ASXL2: variants seen among roughly 807,000 people sequenced by gnomAD.
ASXL2 encodes the protein ASXL transcriptional regulator 2.
A neutral mutation model predicts 122.0 loss-of-function variants in ASXL2; 23 were observed. That is an observed-to-expected ratio of 0.19 (90% CI 0.14 to 0.27). The LOEUF (loss-of-function observed/expected upper bound fraction) is 0.27. Ranked by LOEUF, ASXL2 falls within the 10% of genes least tolerant of loss-of-function variation. The probability of loss-of-function intolerance (pLI) is 1.00; values close to 1 mark genes in which losing one functional copy is unlikely to be tolerated. For synonymous variants in ASXL2, 650 were observed against 637.0 expected (o/e 1.02, Z -0.31); for missense variants, 1,518 against 1,713.8 (o/e 0.89, Z 2.02).
chr2:25,877,454 G>A (rs943685527), intron 1 of ASXL2, among the ~76,000 whole-genome samples: 3 of 151,866 alleles, frequency 2.0e-5, no homozygotes, highest in Non-Finnish European at 4.4e-5. Flanking sequence ...AACTTCATTA[G>A]GGCACCATCC....
chr2:25,777,176 C>A (rs1451168511), intron 5 of ASXL2, among the ~76,000 whole-genome samples: 1 of 152,160 alleles, frequency 6.6e-6, no homozygotes, highest in Non-Finnish European at 1.5e-5. Flanking sequence ...GCAGCCTTGA[C>A]CTCCGAGGCT....
Position 25,759,666 on chromosome 2 carries a change from C to T in ASXL2, c.776-21G>A, listed in dbSNP as rs376603825. 2.5e-4 allele frequency: 399 copies of T among 1,596,594 alleles called. 1 individual carries two copies. Among genetic ancestry groups the T allele is most frequent in the Non-Finnish European group, 3.0e-4 (355 of 1,167,444 alleles). On this transcript the variant is annotated intron_variant, in intron 8 of 12. Transcript: ENST00000435504. ...TTGTCCTACAAAAACAGAGAAGAAT[C>T]GTTTGGGCCTCCCTCACAAGTCCTG...
chr2:25,769,432 A>G (rs1028765471), intron 6 of ASXL2, among the ~76,000 whole-genome samples: 8 of 152,174 alleles, frequency 5.3e-5, no homozygotes, highest in African/African-American at 1.9e-4. Context: ...CCAATTATCA[A>G]ATTTCAGCAA....
At chr2:25,870,199 G>A (rs1253003544) in intron 1 of ASXL2, among the ~76,000 whole-genome samples, 1 of 152,112 alleles carries the variant, frequency 6.6e-6, no homozygotes, top group Non-Finnish European at 1.5e-5. Flanking sequence ...AACATAGTCA[G>A]CCCCCATCTG....
At chr2:25,758,758 A>T (rs974780482) in intron 9 of ASXL2, among the ~76,000 whole-genome samples, 12 of 151,736 alleles carry the variant, frequency 7.9e-5, no homozygotes, top group Admixed American at 7.2e-4. Context: ...TTCTCTTAGC[A>T]AAATGTAACA....
At chr2:25,760,277 A>G (rs1343414650) in intron 8 of ASXL2, among the ~76,000 whole-genome samples, 1 of 152,092 alleles carries the variant, frequency 6.6e-6, no homozygotes, top group Non-Finnish European at 1.5e-5. Flanking sequence ...GAAAACAGCA[A>G]TTACACATCA....
intron 4 of ASXL2, among the ~76,000 whole-genome samples, chr2:25,802,876 A>G (rs1265513332): frequency 6.6e-6 from 1 of 152,156 alleles, no homozygotes; most frequent in Non-Finnish European, 1.5e-5. Context: ...CATGCCTGCA[A>G]TCCCAGCACT....
At chr2:25,877,314 T>G (rs1206915281) in intron 1 of ASXL2, among the ~76,000 whole-genome samples, 3 of 152,206 alleles carry the variant, frequency 2.0e-5, no homozygotes, top group Admixed American at 2.0e-4. Context: ...GCATACAACA[T>G]GCTTTTAATT....
At chr2:25,839,018 A>G (rs1461157837) in intron 2 of ASXL2, among the ~76,000 whole-genome samples, 1 of 152,228 alleles carries the variant, frequency 6.6e-6, no homozygotes, top group Non-Finnish European at 1.5e-5. Context: ...TTCCTTAAAC[A>G]AACCCAATAA....
rs760836776 is a variant in ASXL2 at position 25,750,092 on chromosome 2, G to C, written c.1464C>G (p.Leu488=). The C allele has an allele frequency of 1.5e-5, 25 of 1,613,814 alleles. No individual in the cohort carries two copies. The highest frequency in any genetic ancestry group is 2.0e-5 in the Non-Finnish European group (24 of 1,179,888). ...CAGAGGTGACTGGCTTCTGCTCCAA[G>C]AGATCCTCATCCTTTGGGCACTTGA... ...LPIKCPKDED[L]LEQKPVTSAE... is the part of the protein sequence containing the mutation. The change falls in exon 12 of 13, where the codon CTC becomes CTG. Residue 488 remains leucine (L), a synonymous_variant. Transcript: ENST00000435504.
chr2:25,753,077 C>T lies in ASXL2; in HGVS notation c.1142+457G>A, dbSNP rs2088072665. 2.0e-5 allele frequency among the ~76,000 whole-genome samples: 3 copies of T among 151,534 alleles called. No homozygotes were observed. The South Asian group carries it at 6.2e-4, about 32-fold the overall frequency. ...CTGCCTCACAGGTTCAAGCGATTCT[C>T]CTGCCTCAGCCTCCCAAGTAGCTGG... On this transcript the variant is annotated intron_variant, in intron 11 of 12. Transcript: ENST00000435504.
intron 3 of ASXL2, among the ~76,000 whole-genome samples, chr2:25,821,138 C>G (rs1229256498): frequency 6.6e-6 from 1 of 152,072 alleles, no homozygotes; most frequent in African/African-American, 2.4e-5. Flanking sequence ...AAGATCGCGC[C>G]ACTGCACTCC....
intron 8 of ASXL2, among the ~76,000 whole-genome samples, chr2:25,761,682 A>AG (rs1485850328): frequency 6.6e-6 from 1 of 151,820 alleles, no homozygotes; most frequent in Non-Finnish European, 1.5e-5. Flanking sequence ...CAAAAAAAAA[A>AG]AAAAAAAAAA....
chr2:25,750,347 T>C lies in ASXL2; in HGVS notation c.1209A>G (p.Lys403=). Residue 403 remains lysine (K), a synonymous_variant, in exon 12 of 13, where the codon AAA becomes AAG. Coordinates refer to ENST00000435504, the MANE Select transcript of ASXL2 (RefSeq NM_018263.6). ...TASPSDPKVK[K]TPAEQPKSMP... ...TGGATTTTGGTTGTTCAGCTGGGGTTTTCTTTACTTTGGGATCACTGGGAG... is the reference window on the plus strand; with the variant it reads ...TGGATTTTGGTTGTTCAGCTGGGGTCTTCTTTACTTTGGGATCACTGGGAG... The C allele has an allele frequency of 6.2e-7, 1 of 1,613,752 alleles. No individual in the cohort carries two copies. Among genetic ancestry groups the C allele is most frequent in the Non-Finnish European group, 8.5e-7 (1 of 1,179,854 alleles).
At chr2:25,831,683 G>T (rs1474538996) in intron 3 of ASXL2, among the ~76,000 whole-genome samples, 1 of 151,882 alleles carries the variant, frequency 6.6e-6, no homozygotes, top group Admixed American at 6.6e-5. Context: ...GATGTAACAG[G>T]ATTTAAAAAG....
chr2:25,821,316 C>T (rs1182373834), intron 3 of ASXL2, among the ~76,000 whole-genome samples: 2 of 151,576 alleles, frequency 1.3e-5, no homozygotes, highest in Non-Finnish European at 2.9e-5. Context: ...ATGACTGTAC[C>T]ACTGCACTCC....
intron 8 of ASXL2, among the ~76,000 whole-genome samples, chr2:25,761,021 T>C (rs1249302668): frequency 1.3e-5 from 2 of 152,214 alleles, no homozygotes; most frequent in Non-Finnish European, 1.5e-5. Context: ...CTACACTATA[T>C]AGCCAAACAA....
Position 25,742,685 on chromosome 2 carries a change from C to G in ASXL2, c.3652G>C (p.Glu1218Gln). 6.2e-7 allele frequency: 1 copy of G among 1,613,974 alleles called. No individual in the cohort carries two copies. The highest frequency in any genetic ancestry group is 8.5e-7 in the Non-Finnish European group (1 of 1,179,872). ...AAGCAATCACTGGTAGATAGAGTTTCCCTGCTGTGAGGTCCTGAACTTGTG... is the reference window on the plus strand; with the variant it reads ...AAGCAATCACTGGTAGATAGAGTTTGCCTGCTGTGAGGTCCTGAACTTGTG... ...GDTSSGPHSR[E>Q]TLSTSDCLAS... Residue 1218 changes from glutamate to glutamine, a missense_variant, in exon 13 of 13, where the codon GAA becomes CAA. By Grantham distance (29) the Glu-to-Gln change is conservative. Transcript: ENST00000435504.
At chr2:25,821,576 C>T (rs1054878909) in intron 3 of ASXL2, among the ~76,000 whole-genome samples, 1 of 152,154 alleles carries the variant, frequency 6.6e-6, no homozygotes, top group African/African-American at 2.4e-5. Flanking sequence ...CCAGCCTGAC[C>T]AACATGGTGA....
Sources: gnomAD v4.1 joint callset for allele counts (sites outside exome capture counted in the v4.1 genomes callset) on GRCh38, gnomAD v4.1.1 for gene constraint, MANE v1.5 for transcripts, NCBI Gene and HGNC (gene_info 2026-07-23, HGNC 2026-07-21) for gene names.